ALCAM: variants seen among roughly 807,000 people sequenced by gnomAD.
ALCAM encodes activated leukocyte cell adhesion molecule, also known as CD166 antigen.
A neutral mutation model predicts 70.9 loss-of-function variants in ALCAM; 30 were observed. That is an observed-to-expected ratio of 0.42 (90% CI 0.32 to 0.57). The LOEUF (loss-of-function observed/expected upper bound fraction) is 0.57, where lower values mean the gene tolerates loss of function less well. Ranked by LOEUF, ALCAM falls within the 20% of genes least tolerant of loss-of-function variation. The probability of loss-of-function intolerance (pLI) is 0.11; values close to 1 mark genes in which losing one functional copy is unlikely to be tolerated. For missense variants in ALCAM, 591 were observed against 695.1 expected, an observed-to-expected ratio of 0.85 and a Z score of 1.68; for synonymous variants, 249 against 242.5, an observed-to-expected ratio of 1.03 and a Z score of -0.25.
chr3:105,421,731 T>C (rs1936656520), intron 1 of ALCAM, among the ~76,000 whole-genome samples: 1 of 151,536 alleles, frequency 6.6e-6, no homozygotes, highest in African/African-American at 2.4e-5. Context: ...TTGTTCATTC[T>C]TGAGTCAAAA....
At chr3:105,394,881 C>CT (rs1935910516) in intron 1 of ALCAM, among the ~76,000 whole-genome samples, 1 of 151,860 alleles carries the variant, frequency 6.6e-6, no homozygotes, top group Admixed American at 6.6e-5. Context: ...TTTGTTTTTT[C>CT]TGAGCCTATT....
At chr3:105,491,995 A>G (rs1440077674) in intron 1 of ALCAM, among the ~76,000 whole-genome samples, 4 of 152,150 alleles carry the variant, frequency 2.6e-5, no homozygotes, top group Non-Finnish European at 4.4e-5. Flanking sequence ...TCACTCTTCT[A>G]TGAAGACATA....
At chr3:105,574,348 G>A (rs1203966422) in intron 15 of ALCAM, 129 bp from the exon 16 acceptor site, 1 of 152,074 alleles carries the variant, frequency 6.6e-6, no homozygotes, top group Non-Finnish European at 1.5e-5. Flanking sequence ...TGGGCTTGGG[G>A]ACAATGGAGT....
At chr3:105,570,567 G>A (rs994678568) in intron 14 of ALCAM, among the ~76,000 whole-genome samples, 1 of 151,926 alleles carries the variant, frequency 6.6e-6, no homozygotes, top group Admixed American at 6.6e-5. Flanking sequence ...AGAAACATGT[G>A]GACACACACA....
chr3:105,470,362 C>A (rs1937892476), intron 1 of ALCAM, among the ~76,000 whole-genome samples: 1 of 150,024 alleles, frequency 6.7e-6, no homozygotes, highest in Admixed American at 6.7e-5. Context: ...CAAAAAAAAA[C>A]ACATATGGTA....
chr3:105,559,175 T>G (rs1940579144), intron 14 of ALCAM, among the ~76,000 whole-genome samples: 1 of 148,082 alleles, frequency 6.8e-6, no homozygotes, highest in East Asian at 1.9e-4. Context: ...TGTATATATA[T>G]TATATATACA....
intron 1 of ALCAM, among the ~76,000 whole-genome samples, chr3:105,474,861 A>G (rs1335572246): frequency 6.6e-6 from 1 of 151,840 alleles, no homozygotes; most frequent in Non-Finnish European, 1.5e-5. Context: ...TGTCACATAT[A>G]AAATGCTTTA....
intron 1 of ALCAM, among the ~76,000 whole-genome samples, chr3:105,374,281 C>T (rs770329476): frequency 6.6e-6 from 1 of 152,060 alleles, no homozygotes; most frequent in Non-Finnish European, 1.5e-5. Flanking sequence ...TGGGGCCAGG[C>T]TCAGTGGCTC....
chr3:105,456,991 A>C (rs1171026980), intron 1 of ALCAM, among the ~76,000 whole-genome samples: 1 of 152,232 alleles, frequency 6.6e-6, no homozygotes, highest in African/African-American at 2.4e-5. Flanking sequence ...AGGAGTGATC[A>C]TCATGACTAT....
At chr3:105,376,432 G>T (rs939236899) in intron 1 of ALCAM, among the ~76,000 whole-genome samples, 1 of 152,196 alleles carries the variant, frequency 6.6e-6, no homozygotes. Flanking sequence ...AGGTCACATT[G>T]TTGGCCAATC....
At chr3:105,547,661 C>T in intron 11 of ALCAM, 138 bp downstream of exon 11, 3 of 1,038,114 alleles carry the variant, frequency 2.9e-6, no homozygotes, top group Admixed American at 5.3e-5. Context: ...ATAGAATTTG[C>T]AGTACATGCT....
intron 14 of ALCAM, among the ~76,000 whole-genome samples, chr3:105,561,316 G>T (rs1343711409): frequency 6.6e-6 from 1 of 152,116 alleles, no homozygotes; most frequent in Admixed American, 6.5e-5. Context: ...GATTGCATCT[G>T]CAAATGGAGA....
At chr3:105,406,081 C>T (rs1429912217) in intron 1 of ALCAM, among the ~76,000 whole-genome samples, 1 of 152,090 alleles carries the variant, frequency 6.6e-6, no homozygotes, top group Non-Finnish European at 1.5e-5. Context: ...TGTGCATTCG[C>T]CTAAAGACAC....
At chr3:105,455,195 T>A (rs1290455668) in intron 1 of ALCAM, among the ~76,000 whole-genome samples, 11 of 151,718 alleles carry the variant, frequency 7.3e-5, no homozygotes, top group African/African-American at 2.4e-4. Flanking sequence ...TAATCCCAGC[T>A]CTTTGGGAGG....
intron 12 of ALCAM, 42 bp from the exon 13 acceptor site, chr3:105,552,102 C>T: frequency 6.7e-7 from 1 of 1,489,336 alleles, no homozygotes; most frequent in Non-Finnish European, 9.2e-7. Context: ...CATATATCAA[C>T]AAATTTTGTT....
chr3:105,505,985 A>G (rs1235814293), intron 1 of ALCAM, among the ~76,000 whole-genome samples: 2 of 152,158 alleles, frequency 1.3e-5, no homozygotes, highest in East Asian at 1.9e-4. Context: ...AAGTATGATC[A>G]GCGATTTTTA....
Position 105,550,235 on chromosome 3 carries a change from G to A in ALCAM, c.1483G>A (p.Val495Ile). The A allele has an allele frequency of 2.5e-6, 4 of 1,606,912 alleles. No homozygotes were observed. The highest frequency in any genetic ancestry group is 1.1e-5 in the South Asian group (1 of 90,246). Residue 495 changes from valine (V) to isoleucine (I), a missense_variant, in exon 12 of 16, where the codon GTA (valine) becomes ATA (isoleucine). Val to Ile is a conservative substitution (Grantham distance 29). This residue lies in a region of ALCAM where 164 missense variants were observed against 244.7 expected (regional missense o/e 0.67). Coordinates refer to ENST00000306107, the MANE Select transcript of ALCAM (RefSeq NM_001627.4). The part of the protein sequence containing the change: ...CTAENQLERT[V>I]NSLNVSAISI... ...AGCAGAAAACCAACTGGAGAGAACA[G>A]TAAACTCCTTGAATGTCTCTGCTAG... is the stretch of plus-strand genomic sequence containing the variant.
intron 1 of ALCAM, among the ~76,000 whole-genome samples, chr3:105,490,873 C>A (rs940325130): frequency 2.0e-5 from 3 of 152,176 alleles, no homozygotes; most frequent in Admixed American, 2.0e-4. Flanking sequence ...GTGGATGGAT[C>A]TACAATTCTG....
At chr3:105,537,242 G>A (rs778390661) in intron 6 of ALCAM, among the ~76,000 whole-genome samples, 3 of 152,018 alleles carry the variant, frequency 2.0e-5, no homozygotes, top group Admixed American at 6.6e-5. Context: ...CACTGCCTAC[G>A]TTTATGCCAC....
Sources: allele counts gnomAD v4.1 joint callset (sites outside exome capture counted in the v4.1 genomes callset), GRCh38; gene constraint gnomAD v4.1.1; regional missense constraint gnomAD v4.1.1; transcripts MANE v1.5; gene names NCBI Gene and HGNC (gene_info 2026-07-23, HGNC 2026-07-21).